Variants in DLC1 observed in about 807,000 individuals in gnomAD.
DLC1 encodes the protein DLC1 Rho GTPase activating protein, also known as rho GTPase-activating protein 7.
Under a neutral mutation model 140.3 loss-of-function variants are expected in DLC1, and 54 were observed. That is an observed-to-expected ratio of 0.38 (90% CI 0.31 to 0.48). The LOEUF (loss-of-function observed/expected upper bound fraction) is 0.48. DLC1 is among the 20% of genes least tolerant of loss of function. DLC1 has a pLI of 0.96. For synonymous variants in DLC1, 986 were observed against 728.1 expected, an observed-to-expected ratio of 1.35 and a Z score of -5.70; for missense variants, 2,536 against 1,907.0, an observed-to-expected ratio of 1.33 and a Z score of -6.14.
chr8:13,196,095 TACACACACACACACAC>T (rs59429334), intron 5 of DLC1, among the ~76,000 whole-genome samples: 2 of 147,042 alleles, frequency 1.4e-5, no homozygotes, highest in Non-Finnish European at 3.0e-5. Flanking sequence ...TCTGTATTGA[TACACACACACACACAC>T]ACACACACAC....
chr8:13,131,453 T>A (rs1585721938), intron 5 of DLC1, among the ~76,000 whole-genome samples: 1 of 152,200 alleles, frequency 6.6e-6, no homozygotes, highest in South Asian at 2.1e-4. Context: ...TTCCTCTATG[T>A]CACCAGTAAT....
At chr8:13,254,531 C>T (rs1013665068) in intron 5 of DLC1, among the ~76,000 whole-genome samples, 20 of 152,188 alleles carry the variant, frequency 1.3e-4, no homozygotes, top group Non-Finnish European at 2.6e-4. Context: ...TCTAGATCTT[C>T]CACAGTTGCA....
chr8:13,340,226 A>T (rs1833980391), intron 4 of DLC1: 1 of 152,144 alleles, frequency 6.6e-6, no homozygotes, highest in African/African-American at 2.4e-5. Flanking sequence ...TTTGAGATGG[A>T]ATCTCACTCT....
At chr8:13,150,968 A>T (rs956466460) in intron 5 of DLC1, among the ~76,000 whole-genome samples, 6 of 152,360 alleles carry the variant, frequency 3.9e-5, no homozygotes, top group African/African-American at 1.4e-4. Context: ...GTTGTAGTCA[A>T]GGCCCTCAGT....
chr8:13,360,581 C>G (rs112182181), intron 4 of DLC1, among the ~76,000 whole-genome samples: 9,729 of 152,142 alleles, frequency 0.064, 471 homozygotes, highest in Non-Finnish European at 0.1. Flanking sequence ...GTTATAAATT[C>G]TCCAGTTAAT....
At chr8:13,227,099 G>T (rs1828828525) in intron 5 of DLC1, among the ~76,000 whole-genome samples, 1 of 152,128 alleles carries the variant, frequency 6.6e-6, no homozygotes, top group Admixed American at 6.6e-5. Context: ...GCTTGCCCAG[G>T]CTGGTCTCGA....
chr8:13,235,599 C>A (rs529744595), intron 5 of DLC1, among the ~76,000 whole-genome samples: 2 of 152,114 alleles, frequency 1.3e-5, no homozygotes, highest in East Asian at 3.9e-4. Flanking sequence ...TCCTCCTGAA[C>A]TGAAATTTAA....
intron 5 of DLC1, among the ~76,000 whole-genome samples, chr8:13,127,894 A>G (rs1374824398): frequency 6.6e-6 from 1 of 152,252 alleles, no homozygotes; most frequent in Non-Finnish European, 1.5e-5. Flanking sequence ...AAGGCATCTG[A>G]GGACTCAGCT....
intron 2 of DLC1, among the ~76,000 whole-genome samples, chr8:13,440,600 A>G (rs1219341444): frequency 6.6e-6 from 1 of 151,954 alleles, no homozygotes; most frequent in Non-Finnish European, 1.5e-5. Context: ...ATTTCAGAGT[A>G]GGCCATGGTA....
At chr8:13,524,158 G>A (rs1389130052) in intron 1 of DLC1, among the ~76,000 whole-genome samples, 1 of 143,616 alleles carries the variant, frequency 7.0e-6, no homozygotes, top group Non-Finnish European at 1.5e-5. Context: ...TTATTATTGA[G>A]TCAGAATCTC....
At chr8:13,595,716 G>A (rs905660678) in intron 1 of DLC1, among the ~76,000 whole-genome samples, 12 of 151,968 alleles carry the variant, frequency 7.9e-5, no homozygotes, top group Non-Finnish European at 1.6e-4. Flanking sequence ...TACTAATTGT[G>A]AAAATATGTA....
chr8:13,364,058 C>G (rs1048688720), intron 4 of DLC1, among the ~76,000 whole-genome samples: 1 of 151,992 alleles, frequency 6.6e-6, no homozygotes, highest in Non-Finnish European at 1.5e-5. Context: ...TGCGCACGTG[C>G]ACACGCATGC....
chr8:13,182,649 C>A (rs1179643554), intron 5 of DLC1, among the ~76,000 whole-genome samples: 5 of 151,580 alleles, frequency 3.3e-5, no homozygotes, highest in Admixed American at 2.0e-4. Context: ...GGTGTTATTT[C>A]TGAGGCCTCT....
chr8:13,435,557 G>T (rs983253122), intron 2 of DLC1, among the ~76,000 whole-genome samples: 1 of 151,850 alleles, frequency 6.6e-6, no homozygotes, highest in African/African-American at 2.4e-5. Context: ...CAGGTGATCC[G>T]CCCGCCTCGG....
intron 4 of DLC1, among the ~76,000 whole-genome samples, chr8:13,333,417 GT>G (rs35117630): frequency 0.86 from 129,906 of 151,754 alleles, 56,023 homozygotes; most frequent in East Asian, 0.95. Context: ...TTTGTTTTTT[GT>G]TTTTTTTGTT....
At chr8:13,214,444 A>C (rs1233145106) in intron 5 of DLC1, 1 of 570,142 alleles carries the variant, frequency 1.8e-6, no homozygotes, top group South Asian at 2.3e-5. Context: ...TGCACTGTCA[A>C]ACATGACCTG....
chr8:13,284,070 A>G (rs1831458857), intron 5 of DLC1, among the ~76,000 whole-genome samples: 1 of 152,138 alleles, frequency 6.6e-6, no homozygotes, highest in Non-Finnish European at 1.5e-5. Flanking sequence ...GAGTGCACAC[A>G]AGGCTGGCAT....
At chr8:13,398,037 AG>A (rs1472492405) in intron 3 of DLC1, among the ~76,000 whole-genome samples, 9 of 52,192 alleles carry the variant, frequency 1.7e-4, no homozygotes, top group Non-Finnish European at 2.4e-4. Flanking sequence ...AGGCTGAGGC[AG>A]GAGAATTGCT....
intron 2 of DLC1, among the ~76,000 whole-genome samples, chr8:13,461,615 TTTAC>T (rs1258731256): frequency 6.6e-6 from 1 of 152,212 alleles, no homozygotes; most frequent in Non-Finnish European, 1.5e-5. Context: ...GGTTTATTTA[TTTAC>T]TATTGGTTTA....
Sources: gnomAD v4.1 joint callset for allele counts (sites outside exome capture counted in the v4.1 genomes callset) on GRCh38, gnomAD v4.1.1 for gene constraint, MANE v1.5 for transcripts, NCBI Gene and HGNC (gene_info 2026-07-23, HGNC 2026-07-21) for gene names.